The following DSCAML1 variants were observed in gnomAD, a reference collection of about 807,000 sequenced individuals.
DSCAML1 encodes cell adhesion molecule DSCAML1.
Under a neutral mutation model 200.5 loss-of-function variants are expected in DSCAML1, and 38 were observed. The observed-to-expected ratio is 0.19, with a 90% CI of 0.15 to 0.25. The LOEUF (loss-of-function observed/expected upper bound fraction) is 0.25. Among genes scored for constraint, DSCAML1 ranks in the 10% least tolerant of loss-of-function variants. The pLI, the probability that DSCAML1 is intolerant of heterozygous loss-of-function variation, is 1.00. For synonymous variants in DSCAML1, 1,215 were observed against 1,165.0 expected, an observed-to-expected ratio of 1.04 and a Z score of -0.87; for missense variants, 2,223 against 2,858.8, an observed-to-expected ratio of 0.78 and a Z score of 5.07.
intron 3 of DSCAML1, among the ~76,000 whole-genome samples, chr11:117,690,086 A>G (rs1012107001): frequency 2.0e-5 from 3 of 152,264 alleles, no homozygotes; most frequent in African/African-American, 4.8e-5. Context: ...CAGAGACTAT[A>G]CTGAAAAAAA....
At chr11:117,497,328 C>T (rs1180639725) in intron 11 of DSCAML1, among the ~76,000 whole-genome samples, 1 of 152,162 alleles carries the variant, frequency 6.6e-6, no homozygotes, top group African/African-American at 2.4e-5. Flanking sequence ...TTTGGCCTCC[C>T]TGGGCTCTGC....
In DSCAML1 at chr11:117,431,008, G is replaced by A. The variant is rs370981756; in HGVS notation, c.5400C>T (p.Ser1800=). The A allele has an allele frequency of 1.2e-6, 2 of 1,613,624 alleles. No individual in the cohort carries two copies. Among genetic ancestry groups the A allele is most frequent in the Non-Finnish European group, 1.7e-6 (2 of 1,179,884 alleles). ...DTDKGRNSMV[S]TESASSTYEE... ...CGTAGGTGGAAGAGGCACTCTCAGTGGACACCATGCTGTTCCTTCCTTTGT... is the reference window on the plus strand; with the variant it reads ...CGTAGGTGGAAGAGGCACTCTCAGTAGACACCATGCTGTTCCTTCCTTTGT... The change falls in exon 32 of 33, where the codon TCC becomes TCT. Residue 1800 remains serine (S), a synonymous_variant. Coordinates refer to ENST00000651296, the MANE Select transcript of DSCAML1 (RefSeq NM_020693.4).
chr11:117,564,406 G>A (rs2050717421), intron 3 of DSCAML1, among the ~76,000 whole-genome samples: 1 of 152,210 alleles, frequency 6.6e-6, no homozygotes, highest in Admixed American at 6.5e-5. Flanking sequence ...CAGCTCTCAA[G>A]AGGCCAAAGG....
In DSCAML1 at chr11:117,439,965, C is replaced by T. The variant is rs755718506; in HGVS notation, c.3863-29G>A. On this transcript the variant is annotated intron_variant, in intron 21 of 32. Coordinates refer to ENST00000651296, the MANE Select transcript of DSCAML1 (RefSeq NM_020693.4). ...CAGGGAGGAGAGGATGAGGGCCACT[C>T]CACTTCTACCCCTGCACAATATCCT... 3.2e-6 allele frequency: 5 copies of T among 1,573,106 alleles called. No individual in the cohort carries two copies. The South Asian group carries it at 5.5e-5, about 17-fold the overall frequency.
At chr11:117,793,556 T>C (rs1041630015) in intron 1 of DSCAML1, among the ~76,000 whole-genome samples, 2 of 152,144 alleles carry the variant, frequency 1.3e-5, no homozygotes, top group East Asian at 3.9e-4. Context: ...CCCTCTGTCA[T>C]AGGCTAACAG....
At chr11:117,603,308 C>T (rs2137513229) in intron 3 of DSCAML1, among the ~76,000 whole-genome samples, 1 of 152,320 alleles carries the variant, frequency 6.6e-6, no homozygotes. Context: ...TATGGCCTTG[C>T]TATCCTGAAT....
At chr11:117,583,537 G>A (rs1044978233) in intron 3 of DSCAML1, among the ~76,000 whole-genome samples, 6 of 152,116 alleles carry the variant, frequency 3.9e-5, no homozygotes, top group Non-Finnish European at 7.4e-5. Context: ...CCCGGCCTAC[G>A]CGGCTCTCTC....
Position 117,439,452 on chromosome 11 carries a change from G to A in DSCAML1, c.3981-23C>T, listed in dbSNP as rs568508961. 45 of 1,604,646 alleles carry A rather than the reference G, an allele frequency of 2.8e-5. No homozygotes were observed. In the Admixed American group the frequency reaches 4.5e-4, roughly 16 times the overall value. On this transcript the variant is annotated intron_variant, in intron 22 of 32. Coordinates refer to ENST00000651296, the MANE Select transcript of DSCAML1 (RefSeq NM_020693.4). ...TCACTGCCAGGGGCGAGGATGGGGCGGGTGGGTCATGTCAAGCACCCCTTC... is the reference window on the plus strand; with the variant it reads ...TCACTGCCAGGGGCGAGGATGGGGCAGGTGGGTCATGTCAAGCACCCCTTC...
chr11:117,588,976 C>T (rs755787862), intron 3 of DSCAML1, among the ~76,000 whole-genome samples: 4 of 152,146 alleles, frequency 2.6e-5, no homozygotes, highest in Non-Finnish European at 4.4e-5. Context: ...CCTCATCGAC[C>T]CAAATAAAAT....
intron 20 of DSCAML1, among the ~76,000 whole-genome samples, 169 bp from the exon 21 acceptor site, chr11:117,444,208 G>T (rs555835179): frequency 6.6e-6 from 1 of 152,180 alleles, no homozygotes; most frequent in Non-Finnish European, 1.5e-5. Context: ...GACAGAGTGT[G>T]CCCTGGGTTT....
At chr11:117,809,098 AATCC>A (rs908339360) in intron 1 of DSCAML1, among the ~76,000 whole-genome samples, 1 of 152,156 alleles carries the variant, frequency 6.6e-6, no homozygotes, top group Non-Finnish European at 1.5e-5. Context: ...GAGGAGGAAA[AATCC>A]ATCCAGAGAG....
intron 3 of DSCAML1, among the ~76,000 whole-genome samples, chr11:117,701,611 G>T (rs917593108): frequency 3.9e-5 from 6 of 152,190 alleles, no homozygotes; most frequent in African/African-American, 1.4e-4. Context: ...GCCAGCGCGG[G>T]GTGGGGGAGG....
chr11:117,756,013 T>A (rs2054685005), intron 3 of DSCAML1, among the ~76,000 whole-genome samples: 1 of 152,232 alleles, frequency 6.6e-6, no homozygotes, highest in South Asian at 2.1e-4. Flanking sequence ...GCCATGAGTT[T>A]TCTTATGATT....
In DSCAML1 at chr11:117,492,797, G is replaced by A. The variant is rs115455652; in HGVS notation, c.2360-10635C>T. Among the ~76,000 whole-genome samples the A allele has an allele frequency of 3.1e-3, 467 of 152,314 alleles. 2 individuals are homozygous for A. The highest frequency in any genetic ancestry group is 0.01 in the African/African-American group (428 of 41,560). On this transcript the variant is annotated intron_variant, in intron 11 of 32. Transcript: ENST00000651296. ...CTCCAGGCCTCCCCTGGGAAAGGCT[G>A]GGGGCGGAGTGGGGAGGGGGTGCCT...
At chr11:117,708,358 T>C (rs1365556055) in intron 3 of DSCAML1, among the ~76,000 whole-genome samples, 2 of 152,208 alleles carry the variant, frequency 1.3e-5, no homozygotes, top group Non-Finnish European at 2.9e-5. Flanking sequence ...AAACCTGCTG[T>C]CAAGTGTTCC....
rs928478860 is a variant in DSCAML1 at position 117,437,364 on chromosome 11, G to C, written c.4478C>G (p.Ser1493Cys). The C allele has an allele frequency of 9.9e-6, 16 of 1,614,096 alleles. No homozygotes were observed. In the Admixed American group the frequency reaches 1.7e-4, roughly 17 times the overall value. Reference protein sequence around the residue: ...KDQHLFTHINSTHARLNLQGW... With the variant: ...KDQHLFTHINCTHARLNLQGW... ...CTGCAGGTTAAGCCGAGCATGCGTGGAGTTGATGTGGGTGAAGAGGTGTTG... is the reference window on the plus strand; with the variant it reads ...CTGCAGGTTAAGCCGAGCATGCGTGCAGTTGATGTGGGTGAAGAGGTGTTG... Residue 1493 changes from serine to cysteine, a missense_variant, in exon 26 of 33, where the codon TCC becomes TGC. This residue lies in a region of DSCAML1 where 614 missense variants were observed against 739.1 expected (regional missense o/e 0.83). Coordinates refer to ENST00000651296, the MANE Select transcript of DSCAML1 (RefSeq NM_020693.4). The surrounding 1 kb of genome is among the most constrained non-coding windows in gnomAD (Gnocchi z 5.3).
intron 19 of DSCAML1, among the ~76,000 whole-genome samples, chr11:117,452,770 T>C (rs2048304863): frequency 6.6e-6 from 1 of 152,216 alleles, no homozygotes; most frequent in Admixed American, 6.5e-5. Context: ...TGTTACACAG[T>C]CTTTCACTAC....
intron 3 of DSCAML1, among the ~76,000 whole-genome samples, chr11:117,752,447 G>A (rs1046400448): frequency 2.0e-5 from 3 of 152,154 alleles, no homozygotes; most frequent in African/African-American, 7.2e-5. Flanking sequence ...TTAAGAGAGA[G>A]CCCTGGAGGT....
At chr11:117,610,115 C>A (rs1351197586) in intron 3 of DSCAML1, among the ~76,000 whole-genome samples, 2 of 152,216 alleles carry the variant, frequency 1.3e-5, no homozygotes, top group African/African-American at 4.8e-5. Context: ...TCTGGACTTT[C>A]AAGCTGTTCT....
Sources: allele counts gnomAD v4.1 joint callset (sites outside exome capture counted in the v4.1 genomes callset), GRCh38; gene constraint gnomAD v4.1.1; regional missense constraint gnomAD v4.1.1; non-coding constraint Gnocchi (gnomAD v3.1); transcripts MANE v1.5; gene names NCBI Gene and HGNC (gene_info 2026-07-23, HGNC 2026-07-21).